Variants in SPAG1 observed in about 807,000 individuals in gnomAD.
The protein encoded by SPAG1 is sperm associated antigen 1, also known as sperm-associated antigen 1.
Under a neutral mutation model 100.5 loss-of-function variants are expected in SPAG1, and 69 were observed. The ratio of observed to expected loss-of-function variants is 0.69; its 90% confidence interval spans 0.57 to 0.84. The LOEUF (loss-of-function observed/expected upper bound fraction) is 0.84. Ranked by LOEUF, SPAG1 falls within the 40% of genes least tolerant of loss-of-function variation. SPAG1 has a pLI of 0.00. For synonymous variants in SPAG1, 336 were observed against 411.6 expected, an observed-to-expected ratio of 0.82 and a Z score of 2.22; for missense variants, 955 against 1,133.1, an observed-to-expected ratio of 0.84 and a Z score of 2.26.
At chr8:100,236,938 TG>T (rs1380797685) in intron 16 of SPAG1, among the ~76,000 whole-genome samples, 1 of 152,232 alleles carries the variant, frequency 6.6e-6, no homozygotes, top group Non-Finnish European at 1.5e-5. Context: ...ATTGCTTTTA[TG>T]GTTTCAGCAA....
intron 3 of SPAG1, among the ~76,000 whole-genome samples, chr8:100,176,995 A>T (rs1177671159): frequency 2.7e-5 from 4 of 145,800 alleles, no homozygotes; most frequent in Non-Finnish European, 6.0e-5. Flanking sequence ...CTCTGGATTC[A>T]TTTATTTTGA....
rs1563801326 is a variant in SPAG1 at position 100,213,847 on chromosome 8, CTT to C, written c.1465_1466del (p.Leu489IlefsTer4). 6.3e-7 allele frequency: 1 copy of C among 1,599,180 alleles called. No individual in the cohort carries two copies. Among genetic ancestry groups the C allele is most frequent in the Non-Finnish European group, 8.6e-7 (1 of 1,168,788 alleles). On this transcript the variant is annotated frameshift_variant, in exon 12 of 19. Coordinates refer to ENST00000388798, the MANE Select transcript of SPAG1 (RefSeq NM_003114.5). LOFTEE classifies it high-confidence loss of function. ...GSEIADDLSI[L>X]YSNRAACYLK... ...GTGAAATTGCAGATGATCTAAGTAT[CTT>C]ATATTCAAATAGAGCAGCATGTTAC...
chr8:100,187,855 G>C (rs867204409), intron 8 of SPAG1, among the ~76,000 whole-genome samples: 1 of 151,994 alleles, frequency 6.6e-6, no homozygotes, highest in South Asian at 2.1e-4. Flanking sequence ...TTGTTTGTTT[G>C]TATGTTTGTT....
chr8:100,181,329 C>T (rs546484489), intron 4 of SPAG1, among the ~76,000 whole-genome samples: 5 of 152,198 alleles, frequency 3.3e-5, no homozygotes, highest in African/African-American at 7.2e-5. Flanking sequence ...ACAGTCAAGC[C>T]AATTCATGTC....
chr8:100,184,045 C>G lies in SPAG1; in HGVS notation c.578C>G (p.Thr193Arg). ...AAGTCACACTTGTCTAAAATTGAGA[C>G]AAGAATAGATACAGCAGGTAATTGG... ...IDKSHLSKIE[T>R]RIDTAGLTEK... is the part of the protein sequence containing the mutation. Residue 193 changes from threonine (T) to arginine (R), a missense_variant, in exon 6 of 19, where the codon ACA becomes AGA. Transcript: ENST00000388798. 6.9e-7 allele frequency: 1 copy of G among 1,458,258 alleles called. No individual in the cohort carries two copies. The highest frequency in any genetic ancestry group is 9.3e-7 in the Non-Finnish European group (1 of 1,076,686). 90.3% of individuals were successfully genotyped at this position (1,458,258 alleles called of 1,614,324 possible).
At chr8:100,216,931 C>CTTTTTTTTT (rs141365826) in intron 12 of SPAG1, among the ~76,000 whole-genome samples, 7 of 84,154 alleles carry the variant, frequency 8.3e-5, no homozygotes, top group East Asian at 3.7e-4. Context: ...TCCATGAGTT[C>CTTTTTTTTT]TTTTTTTTTT....
intron 7 of SPAG1, among the ~76,000 whole-genome samples, chr8:100,186,417 A>C (rs563010818): frequency 1.3e-5 from 2 of 152,068 alleles, no homozygotes; most frequent in East Asian, 1.9e-4. Context: ...ACTTACATCA[A>C]CGGTTTTTTT....
At chr8:100,236,952 C>T (rs1819034446) in intron 16 of SPAG1, among the ~76,000 whole-genome samples, 1 of 152,142 alleles carries the variant, frequency 6.6e-6, no homozygotes, top group Non-Finnish European at 1.5e-5. Context: ...TTCAGCAAAA[C>T]TATTAATGGT....
chr8:100,177,576 A>T (rs1816183370), intron 3 of SPAG1, among the ~76,000 whole-genome samples: 1 of 152,142 alleles, frequency 6.6e-6, no homozygotes, highest in Non-Finnish European at 1.5e-5. Flanking sequence ...CATATATTTT[A>T]TGCATTCATG....
chr8:100,171,414 T>G (rs1322568116), intron 3 of SPAG1, among the ~76,000 whole-genome samples: 1 of 152,184 alleles, frequency 6.6e-6, no homozygotes, highest in Non-Finnish European at 1.5e-5. Context: ...GGTATATGAT[T>G]GGTATTATTT....
At chr8:100,162,450 A>C in intron 2 of SPAG1, 30 bp downstream of exon 2, 3 of 1,514,312 alleles carry the variant, frequency 2.0e-6, no homozygotes, top group Non-Finnish European at 2.7e-6. Context: ...TACATGTTTT[A>C]GTATGACAGT....
Position 100,225,163 on chromosome 8 carries a change from T to C in SPAG1, c.1689-10T>C. On this transcript the variant is annotated splice_polypyrimidine_tract_variant and intron_variant, in intron 13 of 18. Coordinates refer to ENST00000388798, the MANE Select transcript of SPAG1 (RefSeq NM_003114.5). ...AAATGATCAACAGAGAAAATTCACT[T>C]TCTCTTTAGGCTATCAAGAATTTTA... 3 of 1,592,324 alleles carry C rather than the reference T, an allele frequency of 1.9e-6. No homozygotes were observed. Among genetic ancestry groups the C allele is most frequent in the Non-Finnish European group, 2.6e-6 (3 of 1,165,856 alleles).
At chr8:100,217,562 A>C (rs1818060337) in intron 12 of SPAG1, among the ~76,000 whole-genome samples, 1 of 152,100 alleles carries the variant, frequency 6.6e-6, no homozygotes, top group Admixed American at 6.5e-5. Context: ...GAAACATGAA[A>C]AGGGGTTATG....
intron 9 of SPAG1, 146 bp downstream of exon 9, chr8:100,191,642 C>T (rs984870836): frequency 1.1e-4 from 59 of 541,382 alleles, no homozygotes; most frequent in Admixed American, 1.7e-4. Flanking sequence ...CACCCCAAAA[C>T]GTTAACATCT....
rs576975842 is a variant in SPAG1 at position 100,170,445 on chromosome 8, A to G, written c.300+4472A>G. On this transcript the variant is annotated intron_variant, in intron 3 of 18. Transcript: ENST00000388798. Reference sequence around the variant, plus strand: ...TTTGAGTGTACAGTTCAGTAGTGTTAAGCATATTCACATGGTTGTGCAACC... The same window carrying G: ...TTTGAGTGTACAGTTCAGTAGTGTTGAGCATATTCACATGGTTGTGCAACC... 6.1e-4 allele frequency among the ~76,000 whole-genome samples: 93 copies of G among 152,216 alleles called. No individual in the cohort carries two copies. The Middle Eastern group carries it at 0.014, about 22-fold the overall frequency.
At chr8:100,211,122 G>A (rs762471679) in intron 10 of SPAG1, among the ~76,000 whole-genome samples, 4 of 151,754 alleles carry the variant, frequency 2.6e-5, no homozygotes, top group African/African-American at 4.8e-5. Flanking sequence ...CACCGTGCCC[G>A]GCCCCAAACT....
chr8:100,230,198 T>G (rs1022108498), intron 14 of SPAG1, among the ~76,000 whole-genome samples: 3 of 152,188 alleles, frequency 2.0e-5, no homozygotes, highest in African/African-American at 4.8e-5. Context: ...ATGAAAGAGA[T>G]ATGATTTCCC....
intron 2 of SPAG1, 56 bp from the exon 3 acceptor site, chr8:100,165,758 G>C (rs1441526105): frequency 4.1e-6 from 6 of 1,477,910 alleles, no homozygotes; most frequent in Non-Finnish European, 1.9e-6. Context: ...CAAACCGCTG[G>C]TCTAGATGAT....
At chr8:100,181,481 C>T (rs1816363998) in intron 4 of SPAG1, among the ~76,000 whole-genome samples, 1 of 152,148 alleles carries the variant, frequency 6.6e-6, no homozygotes, top group Admixed American at 6.5e-5. Flanking sequence ...CCTAGGGCTG[C>T]TGTAACACCA....
Sources: allele counts gnomAD v4.1 joint callset (sites outside exome capture counted in the v4.1 genomes callset), GRCh38; gene constraint gnomAD v4.1.1; transcripts MANE v1.5; gene names NCBI Gene and HGNC (gene_info 2026-07-23, HGNC 2026-07-21).